HDGFL3: variants seen among roughly 807,000 people sequenced by gnomAD.
HDGFL3 encodes hepatoma-derived growth factor-related protein 3.
In HDGFL3, 6 loss-of-function variants were observed where a neutral mutation model predicts 27.6. The ratio of observed to expected loss-of-function variants is 0.22; its 90% CI spans 0.12 to 0.43. The LOEUF (loss-of-function observed/expected upper bound fraction) is 0.43. Among genes scored for constraint, HDGFL3 ranks in the 20% least tolerant of loss-of-function variants. The probability of loss-of-function intolerance (pLI) is 1.00; values close to 1 mark genes in which losing one functional copy is unlikely to be tolerated. For synonymous variants in HDGFL3, 88 were observed against 88.9 expected (o/e 0.99, Z 0.05); for missense variants, 207 against 250.1 (o/e 0.83, Z 1.16).
chr15:83,200,179 T>C (rs922065008), intron 1 of HDGFL3, among the ~76,000 whole-genome samples: 12 of 147,050 alleles, frequency 8.2e-5, no homozygotes, highest in Middle Eastern at 3.9e-3. Context: ...CCATCTCTAC[T>C]AAAAAAATAC....
intron 1 of HDGFL3, among the ~76,000 whole-genome samples, chr15:83,203,500 A>G (rs2037677357): frequency 6.6e-6 from 1 of 152,074 alleles, no homozygotes. Flanking sequence ...AGGTGGCTAA[A>G]AAAAAGAAAG....
chr15:83,117,076 G>A (rs1239396959), intron 3 of HDGFL3, among the ~76,000 whole-genome samples: 2 of 152,198 alleles, frequency 1.3e-5, no homozygotes, highest in Non-Finnish European at 2.9e-5. Context: ...AATTAAGTCT[G>A]GGTGCAGTCG....
intron 1 of HDGFL3, chr15:83,189,297 T>C (rs1184618741): frequency 6.6e-6 from 1 of 152,058 alleles, no homozygotes. Context: ...TCCATCCTAC[T>C]TTAAAAACTC....
In HDGFL3 at chr15:83,194,216, T is replaced by C. The variant is rs115453382; in HGVS notation, c.84+13115A>G. The stretch of plus-strand genomic sequence containing the variant: ...AACAAAATGTTTTACATATACACAA[T>C]GGGATGTTATTCAGTCTCAAAAAGG... On this transcript the variant is annotated intron_variant, in intron 1 of 5. Transcript: ENST00000299633. Among the ~76,000 whole-genome samples, 1,031 of 152,288 alleles carry C rather than the reference T, an allele frequency of 6.8e-3. 16 individuals carry two copies. Among genetic ancestry groups the C allele is most frequent in the African/African-American group, 0.024 (986 of 41,554 alleles).
At chr15:83,178,905 A>G (rs2037347137) in intron 1 of HDGFL3, among the ~76,000 whole-genome samples, 1 of 152,132 alleles carries the variant, frequency 6.6e-6, no homozygotes, top group South Asian at 2.1e-4. Flanking sequence ...ACTGTGGTGT[A>G]AGACCTAAAG....
chr15:83,162,669 T>C (rs1163226977), intron 2 of HDGFL3, among the ~76,000 whole-genome samples: 5 of 152,138 alleles, frequency 3.3e-5, no homozygotes, highest in Non-Finnish European at 5.9e-5. Flanking sequence ...CAATTATTTC[T>C]CTCACGAAAA....
In HDGFL3 at chr15:83,138,744, T is replaced by C. The variant is rs1472886973; in HGVS notation, c.*526A>G. ...AATACGGAATAGATATTTTACAATA[T>C]GGTTAAACTTTACACATGGCCTCAA... On this transcript the variant is annotated 3_prime_UTR_variant, in exon 6 of 6. Coordinates refer to ENST00000299633, the MANE Select transcript of HDGFL3 (RefSeq NM_016073.4). 4 of 152,268 alleles carry C rather than the reference T, an allele frequency of 2.6e-5. No homozygotes were observed. The highest frequency in any genetic ancestry group is 4.8e-5 in the African/African-American group (2 of 41,456). The allele number at this position is 152,268 out of a possible 1,614,324, so 9.4% of individuals were successfully genotyped here.
At chr15:83,161,252 C>T (rs1350115611) in intron 2 of HDGFL3, among the ~76,000 whole-genome samples, 1 of 152,160 alleles carries the variant, frequency 6.6e-6, no homozygotes, top group African/African-American at 2.4e-5. Flanking sequence ...CTCACTGTAG[C>T]TTTGGCTTCC....
At chr15:83,150,252 G>A (rs1442484090) in intron 5 of HDGFL3, among the ~76,000 whole-genome samples, 1 of 152,186 alleles carries the variant, frequency 6.6e-6, no homozygotes, top group African/African-American at 2.4e-5. Flanking sequence ...AAAGGTAGCA[G>A]GTCGAATAGA....
chr15:83,169,104 GA>G, intron 1 of HDGFL3: 1 of 268,122 alleles, frequency 3.7e-6, no homozygotes, highest in Non-Finnish European at 7.6e-6. Context: ...ACTAGGTATT[GA>G]AGGAACATAT....
chr15:83,150,332 T>C (rs780277402), intron 5 of HDGFL3, among the ~76,000 whole-genome samples: 11 of 152,170 alleles, frequency 7.2e-5, no homozygotes, highest in Non-Finnish European at 1.6e-4. Flanking sequence ...CTGGGAAGGC[T>C]GCTGGCAAAA....
At chr15:83,115,085 G>GGAATCATTGAGAT (rs1488021883) in exon 4 of HDGFL3, 1 of 154,188 alleles carries the variant, frequency 6.5e-6, no homozygotes, top group Non-Finnish European at 1.4e-5. Context: ...GGCCTGCTTG[G>GGAATCATTGAGAT]GAATCATTGA....
chr15:83,164,259 G>C (rs112854507), intron 1 of HDGFL3, among the ~76,000 whole-genome samples, 184 bp from the exon 2 acceptor site: 11 of 148,914 alleles, frequency 7.4e-5, no homozygotes, highest in African/African-American at 2.7e-4. Context: ...CTCTAGGAAT[G>C]GATTACAACC....
intron 5 of HDGFL3, among the ~76,000 whole-genome samples, chr15:83,140,687 G>C (rs907329547): frequency 1.3e-5 from 2 of 152,014 alleles, no homozygotes; most frequent in African/African-American, 4.8e-5. Context: ...TCACCACGTT[G>C]GTCAGGCTGG....
At chr15:83,183,816 G>A (rs2037409867) in intron 1 of HDGFL3, among the ~76,000 whole-genome samples, 1 of 151,704 alleles carries the variant, frequency 6.6e-6, no homozygotes, top group African/African-American at 2.4e-5. Context: ...GTTTGGTAAG[G>A]GTTTCCAGTT....
At chr15:83,126,507 C>T (rs2035760024), downstream of HDGFL3, among the ~76,000 whole-genome samples, 1 of 152,136 alleles carries the variant, frequency 6.6e-6, no homozygotes, top group African/African-American at 2.4e-5. Flanking sequence ...GATACTTAAA[C>T]TCTGAATATC....
chr15:83,181,091 T>G (rs1010605000), intron 1 of HDGFL3: 3 of 152,202 alleles, frequency 2.0e-5, no homozygotes, highest in African/African-American at 7.2e-5. Flanking sequence ...AGAACAATCT[T>G]ATAGCTACAG....
At chr15:83,193,541 A>C (rs1380167658) in intron 1 of HDGFL3, among the ~76,000 whole-genome samples, 2 of 152,218 alleles carry the variant, frequency 1.3e-5, no homozygotes, top group Non-Finnish European at 2.9e-5. Flanking sequence ...AATATTACAA[A>C]TACAATTACC....
intron 1 of HDGFL3, among the ~76,000 whole-genome samples, chr15:83,204,841 G>A (rs908213237): frequency 1.3e-5 from 2 of 152,188 alleles, no homozygotes; most frequent in Non-Finnish European, 2.9e-5. Flanking sequence ...GCCCAGCCAA[G>A]AGCTGAATCC....
Sources: gnomAD v4.1 joint callset for allele counts (sites outside exome capture counted in the v4.1 genomes callset) on GRCh38, gnomAD v4.1.1 for gene constraint, MANE v1.5 for transcripts, NCBI Gene and HGNC (gene_info 2026-07-23, HGNC 2026-07-21) for gene names.